Variants in AKAP19 observed in about 807,000 individuals in gnomAD.
The protein encoded by AKAP19 is small A-kinase anchoring protein.
At chr2:190,068,944 A>C in the AKAP19 span, among the ~76,000 whole-genome samples, 1 of 152,094 alleles carries the variant, frequency 6.6e-6, no homozygotes, top group Non-Finnish European at 1.5e-5. Context: ...TGGGCTTCCT[A>C]GATCTATGGC....
chr2:190,042,202 A>G, the AKAP19 span, among the ~76,000 whole-genome samples: 1 of 152,104 alleles, frequency 6.6e-6, no homozygotes, highest in Non-Finnish European at 1.5e-5. Flanking sequence ...TGAGCTTGCT[A>G]TTGGTCTGTT....
the AKAP19 span, among the ~76,000 whole-genome samples, chr2:190,156,252 C>G: frequency 6.6e-6 from 1 of 151,902 alleles, no homozygotes; most frequent in Non-Finnish European, 1.5e-5. Context: ...AGTGCTGATC[C>G]AACATCCTAT....
the AKAP19 span, among the ~76,000 whole-genome samples, chr2:190,101,760 AC>A: frequency 3.9e-5 from 6 of 152,232 alleles, no homozygotes; most frequent in East Asian, 1.2e-3. Flanking sequence ...GAACTTGAAC[AC>A]CCCACTAACA....
the AKAP19 span, among the ~76,000 whole-genome samples, chr2:190,041,324 T>C: frequency 2.0e-5 from 3 of 152,146 alleles, no homozygotes; most frequent in Non-Finnish European, 2.9e-5. Flanking sequence ...AGTTTGGCTG[T>C]TGTTGGTGTA....
chr2:189,926,796 G>A, the AKAP19 span, among the ~76,000 whole-genome samples: 1 of 151,692 alleles, frequency 6.6e-6, no homozygotes, highest in Non-Finnish European at 1.5e-5. Flanking sequence ...TGTTAGCCAG[G>A]ATGGTCTCGA....
the AKAP19 span, among the ~76,000 whole-genome samples, chr2:190,041,156 A>G: frequency 6.6e-6 from 1 of 152,166 alleles, no homozygotes; most frequent in Non-Finnish European, 1.5e-5. Flanking sequence ...ACCCATGAGC[A>G]TGGGATTTTT....
the AKAP19 span, chr2:190,180,663 GA>G: frequency 1.0e-6 from 1 of 985,276 alleles, no homozygotes; most frequent in African/African-American, 1.8e-5. The surrounding 1 kb of genome is among the most constrained non-coding windows in gnomAD (Gnocchi z 6.8). Context: ...TGCGCCTGAG[GA>G]AGTATCGAGG....
At chr2:189,931,516 C>A in the AKAP19 span, among the ~76,000 whole-genome samples, 1 of 152,082 alleles carries the variant, frequency 6.6e-6, no homozygotes, top group Non-Finnish European at 1.5e-5. Flanking sequence ...TACACATCAC[C>A]ACACCTGGCT....
the AKAP19 span, among the ~76,000 whole-genome samples, chr2:189,912,693 A>T: frequency 6.6e-6 from 1 of 152,234 alleles, no homozygotes; most frequent in Non-Finnish European, 1.5e-5. Flanking sequence ...TTTATGAATC[A>T]GTCAGTCACA....
At chr2:190,136,208 T>G in the AKAP19 span, among the ~76,000 whole-genome samples, 1 of 152,200 alleles carries the variant, frequency 6.6e-6, no homozygotes, top group Non-Finnish European at 1.5e-5. Context: ...GCTAAGGAGC[T>G]AAGATTGAAT....
the AKAP19 span, among the ~76,000 whole-genome samples, chr2:190,145,893 A>T: frequency 6.7e-6 from 1 of 149,508 alleles, no homozygotes; most frequent in Non-Finnish European, 1.5e-5. Flanking sequence ...ATATAAAGAG[A>T]TTCCTAGAAA....
chr2:190,007,982 A>C, the AKAP19 span, among the ~76,000 whole-genome samples: 1 of 152,194 alleles, frequency 6.6e-6, no homozygotes, highest in African/African-American at 2.4e-5. Flanking sequence ...GAAATATTGA[A>C]GGCTTACAGC....
the AKAP19 span, among the ~76,000 whole-genome samples, chr2:190,111,950 T>C: frequency 2.6e-5 from 4 of 152,154 alleles, no homozygotes; most frequent in Non-Finnish European, 5.9e-5. Context: ...CAGGCTGGAG[T>C]GCAGTGGCAC....
the AKAP19 span, among the ~76,000 whole-genome samples, chr2:190,030,279 C>T: frequency 2.6e-5 from 4 of 152,152 alleles, no homozygotes; most frequent in African/African-American, 7.2e-5. Context: ...TTGAAATCTA[C>T]AATTGTATTA....
chr2:189,923,932 A>C, the AKAP19 span: 3 of 1,610,818 alleles, frequency 1.9e-6, no homozygotes. Flanking sequence ...CTTTCCTGGA[A>C]AACCTGGAAA....
chr2:190,057,169 T>C, the AKAP19 span: 1 of 1,426,706 alleles, frequency 7.0e-7, no homozygotes, highest in African/African-American at 1.4e-5. Context: ...TCTAGGCCTA[T>C]AGCCTGTGGT....
the AKAP19 span, among the ~76,000 whole-genome samples, chr2:190,069,590 A>C: frequency 2.0e-5 from 3 of 151,992 alleles, no homozygotes; most frequent in African/African-American, 7.2e-5. Flanking sequence ...TTTCTTGGAG[A>C]CTCATGTTTT....
At chr2:190,195,941 C>CTTTCTTTT in the AKAP19 span, among the ~76,000 whole-genome samples, 1 of 86,210 alleles carries the variant, frequency 1.2e-5, no homozygotes, top group Non-Finnish European at 2.3e-5. Flanking sequence ...CTGTGTCCAG[C>CTTTCTTTT]TTTTTTTTTT....
chr2:190,162,582 T>A, the AKAP19 span, among the ~76,000 whole-genome samples: 1 of 152,174 alleles, frequency 6.6e-6, no homozygotes, highest in South Asian at 2.1e-4. Flanking sequence ...GGTAAGGCAA[T>A]AAGGATTTAT....
Sources: allele counts gnomAD v4.1 joint callset (sites outside exome capture counted in the v4.1 genomes callset), GRCh38; gene constraint gnomAD v4.1.1; non-coding constraint Gnocchi (gnomAD v3.1); transcripts MANE v1.5; gene names NCBI Gene and HGNC (gene_info 2026-07-23, HGNC 2026-07-21).